RGSL1: variants seen among roughly 807,000 people sequenced by gnomAD.
The protein encoded by RGSL1 is regulator of G protein signaling protein-like.
Under a neutral mutation model 124.7 loss-of-function variants are expected in RGSL1, and 97 were observed. The ratio of observed to expected loss-of-function variants is 0.78; its 90% confidence interval spans 0.66 to 0.92. The LOEUF (loss-of-function observed/expected upper bound fraction) is 0.92, where lower values mean the gene tolerates loss of function less well. Among genes scored for constraint, RGSL1 ranks in the 40% least tolerant of loss-of-function variants. RGSL1 has a pLI of 0.00. For missense variants in RGSL1, 1,233 were observed against 1,288.4 expected, an observed-to-expected ratio of 0.96 and a Z score of 0.66; for synonymous variants, 424 against 438.1, an observed-to-expected ratio of 0.97 and a Z score of 0.40.
intron 21 of RGSL1, among the ~76,000 whole-genome samples, chr1:182,559,064 T>A (rs1661022618): frequency 6.6e-6 from 1 of 152,202 alleles, no homozygotes; most frequent in African/African-American, 2.4e-5. Context: ...TTCTTTCTCT[T>A]GTCATAGCTC....
intron 21 of RGSL1, among the ~76,000 whole-genome samples, chr1:182,556,430 G>A (rs1301548496): frequency 6.6e-6 from 1 of 152,166 alleles, no homozygotes; most frequent in Non-Finnish European, 1.5e-5. Flanking sequence ...AAGGACAGAT[G>A]GTGTCTTTTA....
chr1:182,471,954 C>T lies in RGSL1; in HGVS notation c.302-442C>T, dbSNP rs148002262. On this transcript the variant is annotated intron_variant, in intron 4 of 21. Coordinates refer to ENST00000294854, the MANE Select transcript of RGSL1 (RefSeq NM_001137669.2). ...GGACTACATCTTTCACTTTGCCACT[C>T]AGAGTTCAGGCCTGGCCAAGTTTTA... Among the ~76,000 whole-genome samples, 984 of 152,284 alleles carry T rather than the reference C, an allele frequency of 6.5e-3. 12 individuals carry two copies. Among genetic ancestry groups the T allele is most frequent in the African/African-American group, 0.022 (910 of 41,558 alleles).
At chr1:182,450,370 G>GGATA in intron 1 of RGSL1, 192 bp downstream of exon 1, 2 of 676,992 alleles carry the variant, frequency 3.0e-6, no homozygotes, top group Non-Finnish European at 5.2e-6. Context: ...AGATCTTTGA[G>GGATA]GATAGTACAG....
At chr1:182,519,219 T>C (rs1012679847) in intron 9 of RGSL1, among the ~76,000 whole-genome samples, 2 of 146,422 alleles carry the variant, frequency 1.4e-5, no homozygotes, top group Admixed American at 1.4e-4. Context: ...TTCTTTTTCA[T>C]TGATTTTTGT....
intron 4 of RGSL1, among the ~76,000 whole-genome samples, chr1:182,463,753 T>C (rs985519644): frequency 1.3e-5 from 2 of 152,138 alleles, no homozygotes; most frequent in African/African-American, 2.4e-5. Flanking sequence ...AAATAGACAA[T>C]CCTAAAATAA....
At chr1:182,523,198 G>GGCTTTTTTTC (rs67429531) in intron 10 of RGSL1, among the ~76,000 whole-genome samples, 1 of 147,426 alleles carries the variant, frequency 6.8e-6, no homozygotes, top group Non-Finnish European at 1.5e-5. Flanking sequence ...CACCATGCCT[G>GGCTTTTTTTC]TTTTTTTTTC....
At chr1:182,478,921 A>T (rs1654490853) in intron 6 of RGSL1, among the ~76,000 whole-genome samples, 1 of 152,204 alleles carries the variant, frequency 6.6e-6, no homozygotes, top group African/African-American at 2.4e-5. Context: ...TCCAGGAGAG[A>T]GTGGGATGAT....
chr1:182,543,209 A>G (rs1322097814), intron 15 of RGSL1, among the ~76,000 whole-genome samples: 1 of 152,038 alleles, frequency 6.6e-6, no homozygotes, highest in Non-Finnish European at 1.5e-5. Flanking sequence ...TGCATTTATT[A>G]TTTTGAGGTA....
chr1:182,518,731 C>G (rs958185487), intron 9 of RGSL1, among the ~76,000 whole-genome samples: 1 of 152,162 alleles, frequency 6.6e-6, no homozygotes, highest in African/African-American at 2.4e-5. Flanking sequence ...GGAGGGGTAT[C>G]TCAGATGTGG....
intron 9 of RGSL1, among the ~76,000 whole-genome samples, chr1:182,494,066 C>G (rs780286264): frequency 6.6e-6 from 1 of 152,188 alleles, no homozygotes; most frequent in Non-Finnish European, 1.5e-5. Flanking sequence ...CTCTGCTGGT[C>G]TTGGGGTCTT....
At chr1:182,497,048 A>T (rs1270312517) in intron 9 of RGSL1, among the ~76,000 whole-genome samples, 1 of 152,118 alleles carries the variant, frequency 6.6e-6, no homozygotes, top group Non-Finnish European at 1.5e-5. Context: ...ACTATTGATA[A>T]TGTGGACTAA....
chr1:182,457,078 C>G (rs369793205), intron 2 of RGSL1, among the ~76,000 whole-genome samples: 10 of 151,994 alleles, frequency 6.6e-5, no homozygotes, highest in Middle Eastern at 3.2e-3. Flanking sequence ...ACACAGGAGG[C>G]GGAGGTTGCA....
intron 6 of RGSL1, among the ~76,000 whole-genome samples, chr1:182,487,810 T>C (rs1270128571): frequency 6.6e-6 from 1 of 152,210 alleles, no homozygotes; most frequent in African/African-American, 2.4e-5. Flanking sequence ...GGTTAATATA[T>C]CTAGCTAAGC....
intron 4 of RGSL1, among the ~76,000 whole-genome samples, chr1:182,464,257 C>T (rs1445797172): frequency 6.6e-6 from 1 of 152,088 alleles, no homozygotes; most frequent in African/African-American, 2.4e-5. Flanking sequence ...AATAACACAA[C>T]TTTACAACTT....
intron 6 of RGSL1, among the ~76,000 whole-genome samples, chr1:182,476,406 A>G (rs1447202256): frequency 6.6e-6 from 1 of 152,188 alleles, no homozygotes; most frequent in Non-Finnish European, 1.5e-5. Context: ...TCTTTGTCTT[A>G]CACCCATGTC....
rs370230019 is a variant in RGSL1 at position 182,489,173 on chromosome 1, T to G, written c.1688T>G (p.Val563Gly). 1.0e-5 allele frequency: 16 copies of G among 1,551,628 alleles called. No individual in the cohort carries two copies. The highest frequency in any genetic ancestry group is 1.7e-4 in the Middle Eastern group (1 of 6,012). The change falls in exon 8 of 22, where the codon GTA (valine) becomes GGA (glycine). Residue 563 changes from valine (V) to glycine (G), a missense_variant. Physicochemically the swap from Val to Gly is moderately radical, Grantham distance 109. Coordinates refer to ENST00000294854, the MANE Select transcript of RGSL1 (RefSeq NM_001137669.2). ...CTGAAGCAAGGAGGCTCTCTCCAGG[T>G]AGAGCTGACATCTCCAGTGTTTCTA... is the stretch of plus-strand genomic sequence containing the variant. ...EDLKQGGSLQ[V>G]ELTSPVFLTD...
intron 9 of RGSL1, among the ~76,000 whole-genome samples, chr1:182,497,226 G>T (rs1458450432): frequency 7.3e-6 from 1 of 136,620 alleles, no homozygotes; most frequent in Non-Finnish European, 1.5e-5. Flanking sequence ...AAAAGAGATA[G>T]AAAGATAGAT....
rs1360448201 is a variant in RGSL1 at position 182,492,822 on chromosome 1, G to C, written c.1718-200G>C. 9.5e-6 allele frequency: 5 copies of C among 528,140 alleles called. No homozygotes were observed. The Admixed American group carries it at 1.3e-4, about 14-fold the overall frequency. The allele number at this position is 528,140 out of a possible 1,614,324, so 32.7% of individuals were successfully genotyped here. ...TTTTTTGTATTTTTAGTAGAGACAG[G>C]GTTTCACCATGTTAGTCAGGATGGT... On this transcript the variant is annotated intron_variant, in intron 8 of 21. Coordinates refer to ENST00000294854, the MANE Select transcript of RGSL1 (RefSeq NM_001137669.2).
chr1:182,473,364 G>A (rs1274297375), intron 5 of RGSL1, among the ~76,000 whole-genome samples: 3 of 151,996 alleles, frequency 2.0e-5, no homozygotes. Flanking sequence ...TTATTTCTAT[G>A]GAGAATAAGA....
Sources: gnomAD v4.1 joint callset for allele counts (sites outside exome capture counted in the v4.1 genomes callset) on GRCh38, gnomAD v4.1.1 for gene constraint, MANE v1.5 for transcripts, NCBI Gene and HGNC (gene_info 2026-07-23, HGNC 2026-07-21) for gene names.